Variants in LGSN observed in about 807,000 individuals in gnomAD.
The protein encoded by LGSN is lengsin.
LGSN carries 21 observed loss-of-function variants against 19.5 expected under a neutral mutation model. The ratio of observed to expected loss-of-function variants is 1.07; its 90% CI spans 0.76 to 1.55. The LOEUF is 1.55. Ranked by LOEUF, LGSN falls within the 40% of genes most tolerant of loss-of-function variation. The pLI is 0.00. For synonymous variants in LGSN, 257 were observed against 215.6 expected (o/e 1.19, Z -1.68); for missense variants, 673 against 608.5 (o/e 1.11, Z -1.12).
chr6:63,557,127 AAG>A, the LGSN span, among the ~76,000 whole-genome samples: 1 of 152,200 alleles, frequency 6.6e-6, no homozygotes, highest in Non-Finnish European at 1.5e-5. Context: ...GAATTCTTCA[AAG>A]GGTGTGAGAG....
the LGSN span, among the ~76,000 whole-genome samples, chr6:63,366,560 G>T: frequency 6.6e-6 from 1 of 152,110 alleles, no homozygotes; most frequent in Non-Finnish European, 1.5e-5. Context: ...AGCTACCAAT[G>T]ACTTTCTTCA....
chr6:63,405,974 T>A, the LGSN span, among the ~76,000 whole-genome samples: 7 of 152,144 alleles, frequency 4.6e-5, no homozygotes, highest in Non-Finnish European at 1.0e-4. Flanking sequence ...CAAGAAGAGC[T>A]AACTATCCTA....
chr6:63,471,436 T>A, the LGSN span, among the ~76,000 whole-genome samples: 2 of 151,714 alleles, frequency 1.3e-5, no homozygotes. Context: ...GAGGCCGAGA[T>A]GGGTGGATCA....
intron 1 of LGSN, among the ~76,000 whole-genome samples, chr6:63,295,416 C>T (rs1028821235): frequency 3.3e-5 from 5 of 152,014 alleles, no homozygotes; most frequent in African/African-American, 1.2e-4. Context: ...TTTATGATTT[C>T]TATTTTTTAG....
chr6:63,444,085 A>G, the LGSN span, among the ~76,000 whole-genome samples: 19 of 152,326 alleles, frequency 1.2e-4, no homozygotes, highest in Non-Finnish European at 2.4e-4. Flanking sequence ...TTTATCATCT[A>G]GAAGTAATGG....
the LGSN span, among the ~76,000 whole-genome samples, chr6:63,570,453 C>T: frequency 6.6e-6 from 1 of 152,270 alleles, no homozygotes; most frequent in South Asian, 2.1e-4. Context: ...GGCTAAGACC[C>T]CCAGGCCACT....
At chr6:63,332,431 C>A in the LGSN span, among the ~76,000 whole-genome samples, 447 of 152,246 alleles carry the variant, frequency 2.9e-3, 3 homozygotes, top group African/African-American at 0.01. Flanking sequence ...GAGAGTTCCG[C>A]TCATGGCCGC....
chr6:63,370,027 G>A, the LGSN span, among the ~76,000 whole-genome samples: 1 of 151,950 alleles, frequency 6.6e-6, no homozygotes, highest in Non-Finnish European at 1.5e-5. Flanking sequence ...AGAAGAAGGA[G>A]AAGGAGAAGA....
the LGSN span, among the ~76,000 whole-genome samples, chr6:63,411,459 A>T: frequency 6.6e-6 from 1 of 152,194 alleles, no homozygotes; most frequent in Non-Finnish European, 1.5e-5. Flanking sequence ...GAAGACAGAG[A>T]CTTGATCTAT....
chr6:63,558,854 GAAAT>G, the LGSN span, among the ~76,000 whole-genome samples: 3 of 152,180 alleles, frequency 2.0e-5, no homozygotes, highest in South Asian at 2.1e-4. Flanking sequence ...TTTCAAGAAA[GAAAT>G]AAAGATATGG....
At chr6:63,480,314 T>G in the LGSN span, 5 of 214,010 alleles carry the variant, frequency 2.3e-5, no homozygotes, top group East Asian at 5.7e-4. Context: ...TTACATCAAG[T>G]CTTACGAAAA....
chr6:63,429,735 C>CA, the LGSN span, among the ~76,000 whole-genome samples: 14,069 of 124,478 alleles, frequency 0.11, 1,582 homozygotes, highest in African/African-American at 0.3. Flanking sequence ...GACTCCATCT[C>CA]AAAAAAAAAA....
intron 1 of LGSN, among the ~76,000 whole-genome samples, chr6:63,308,668 G>A (rs1239837995): frequency 1.3e-5 from 2 of 151,656 alleles, no homozygotes; most frequent in Non-Finnish European, 2.9e-5. Flanking sequence ...CCGAGGTGTA[G>A]GCATTAATGC....
the LGSN span, among the ~76,000 whole-genome samples, chr6:63,495,456 C>CT: frequency 0.017 from 1,346 of 77,720 alleles, 27 homozygotes; most frequent in East Asian, 0.038. Flanking sequence ...TTTTCTTTTT[C>CT]TTTTTTTTTT....
At chr6:63,406,491 C>T in the LGSN span, among the ~76,000 whole-genome samples, 2 of 149,526 alleles carry the variant, frequency 1.3e-5, no homozygotes, top group African/African-American at 2.6e-5. Flanking sequence ...AGAACAAAGA[C>T]ACAACATACC....
the LGSN span, among the ~76,000 whole-genome samples, chr6:63,370,339 C>T: frequency 6.6e-6 from 1 of 152,112 alleles, no homozygotes; most frequent in African/African-American, 2.4e-5. Flanking sequence ...TGTGAACACT[C>T]ATAGTTTAAC....
the LGSN span, among the ~76,000 whole-genome samples, chr6:63,348,925 CTT>C: frequency 6.6e-6 from 1 of 151,940 alleles, no homozygotes; most frequent in Non-Finnish European, 1.5e-5. Flanking sequence ...GTAGTAAAGG[CTT>C]TCAAAGGGGA....
chr6:63,410,678 C>T, the LGSN span, among the ~76,000 whole-genome samples: 36 of 152,130 alleles, frequency 2.4e-4, no homozygotes, highest in Admixed American at 1.4e-3. Context: ...GTGCAATGAA[C>T]GCAGTTTAAA....
At chr6:63,450,626 A>G in the LGSN span, among the ~76,000 whole-genome samples, 1 of 152,148 alleles carries the variant, frequency 6.6e-6, no homozygotes, top group Non-Finnish European at 1.5e-5. Flanking sequence ...AAAGGTAAAT[A>G]AAAAAGCAAA....
Sources: allele counts gnomAD v4.1 joint callset (sites outside exome capture counted in the v4.1 genomes callset), GRCh38; gene constraint gnomAD v4.1.1; transcripts MANE v1.5; gene names NCBI Gene and HGNC (gene_info 2026-07-23, HGNC 2026-07-21).